ASIC2: variants seen among roughly 807,000 people sequenced by gnomAD.
The protein encoded by ASIC2 is acid sensing ion channel subunit 2.
ASIC2 carries 25 observed loss-of-function variants against 57.3 expected under a neutral mutation model. The ratio of observed to expected loss-of-function variants is 0.44; its 90% CI spans 0.32 to 0.61. ASIC2 has a LOEUF of 0.61. ASIC2 is among the 20% of genes least tolerant of loss of function. The pLI is 0.06. For synonymous variants in ASIC2, 319 were observed against 307.5 expected (o/e 1.04, Z -0.39); for missense variants, 641 against 738.1 (o/e 0.87, Z 1.52).
rs187585938 is a variant in ASIC2 at position 33,600,136 on chromosome 17, A to G, written c.556-488069T>C. On this transcript the variant is annotated intron_variant, in intron 1 of 9. Coordinates refer to the ASIC2 transcript ENST00000359872. Reference sequence around the variant, plus strand: ...CAGGAATCCTTTTCATGGGTAAGTCAGTTCCTGCCTCTCTTCAGAGGGAAA... The same window carrying G: ...CAGGAATCCTTTTCATGGGTAAGTCGGTTCCTGCCTCTCTTCAGAGGGAAA... Among the ~76,000 whole-genome samples the G allele has an allele frequency of 5.5e-3, 838 of 152,282 alleles. 8 individuals are homozygous for G. Among genetic ancestry groups the G allele is most frequent in the African/African-American group, 0.019 (791 of 41,550 alleles).
At chr17:33,403,842 G>A (rs1910371348) in intron 1 of ASIC2, among the ~76,000 whole-genome samples, 1 of 152,314 alleles carries the variant, frequency 6.6e-6, no homozygotes, top group Non-Finnish European at 1.5e-5. Flanking sequence ...AAGCTCCAGA[G>A]AGAGGAAATG....
At position 34,156,315 on chromosome 17, in the gene ASIC2, A is replaced by G; in HGVS notation, c.218T>C (p.Val73Ala). The stretch of plus-strand genomic sequence containing the variant: ...AGCCACCACTTCGTCCACCTTAGTG[A>G]CATGCTGGTAGGAGAAGTAGTAGGA... The change falls in exon 1 of 10, where the codon GTC (valine) becomes GCC (alanine). Residue 73 changes from valine to alanine, a missense_variant. Coordinates refer to the ASIC2 transcript ENST00000359872. This position sits in a 1 kb window ranked among gnomAD's most constrained non-coding sequence, Gnocchi z 4.4. The G allele has an allele frequency of 1.9e-6, 3 of 1,614,222 alleles. No individual in the cohort carries two copies. The highest frequency in any genetic ancestry group is 2.5e-6 in the Non-Finnish European group (3 of 1,180,044).
Position 33,263,867 on chromosome 17 carries a change from C to G in ASIC2, c.708+27541G>C, listed in dbSNP as rs749590661. Reference sequence around the variant, plus strand: ...CTTCTGCGCGGGACAGAGGGTGGAGCCTCGTGAGTCTCACATGATACCGGC... The same window carrying G: ...CTTCTGCGCGGGACAGAGGGTGGAGGCTCGTGAGTCTCACATGATACCGGC... On this transcript the variant is annotated intron_variant, in intron 1 of 9. Transcript: ENST00000225823. 2.6e-5 allele frequency among the ~76,000 whole-genome samples: 4 copies of G among 152,328 alleles called. No homozygotes were observed. In the South Asian group the frequency reaches 8.3e-4, roughly 32 times the overall value.
At chr17:33,596,996 T>C (rs1357522710) in intron 1 of ASIC2, among the ~76,000 whole-genome samples, 4 of 152,228 alleles carry the variant, frequency 2.6e-5, no homozygotes, top group African/African-American at 9.6e-5. Flanking sequence ...CAGCTGGTGC[T>C]CTACAAACAT....
intron 1 of ASIC2, among the ~76,000 whole-genome samples, chr17:33,270,849 C>T (rs368060316): frequency 6.6e-6 from 1 of 152,342 alleles, no homozygotes; most frequent in East Asian, 1.9e-4. Context: ...TTATTGAGCA[C>T]CTACTCTATG....
chr17:33,110,072 T>TACATGTGC (rs1491044592), intron 2 of ASIC2, among the ~76,000 whole-genome samples: 1 of 151,052 alleles, frequency 6.6e-6, no homozygotes, highest in Admixed American at 6.6e-5. Context: ...TGTGTGTGTG[T>TACATGTGC]ACATGTGCTT....
At chr17:34,049,389 A>C (rs2142052052) in intron 1 of ASIC2, among the ~76,000 whole-genome samples, 1 of 152,288 alleles carries the variant, frequency 6.6e-6, no homozygotes, top group Admixed American at 6.5e-5. Flanking sequence ...GAGTTGAACT[A>C]AGGTCCAAAT....
intron 1 of ASIC2, among the ~76,000 whole-genome samples, chr17:33,121,649 C>T (rs1391606687): frequency 6.6e-6 from 1 of 152,142 alleles, no homozygotes; most frequent in Non-Finnish European, 1.5e-5. Context: ...AGCTGTCTTC[C>T]ACACTGGAAC....
At chr17:33,718,772 G>A (rs1010345090) in intron 1 of ASIC2, among the ~76,000 whole-genome samples, 2 of 152,152 alleles carry the variant, frequency 1.3e-5, no homozygotes, top group Admixed American at 1.3e-4. Context: ...AGGCAAATGC[G>A]ACACTCAGGG....
chr17:33,797,929 T>C (rs1451091836), intron 1 of ASIC2, among the ~76,000 whole-genome samples: 4 of 152,038 alleles, frequency 2.6e-5, no homozygotes, highest in African/African-American at 9.7e-5. Context: ...CCCCCACACA[T>C]AGGCTGGCTC....
At chr17:33,737,901 T>C (rs1005385558) in intron 1 of ASIC2, among the ~76,000 whole-genome samples, 4 of 152,170 alleles carry the variant, frequency 2.6e-5, no homozygotes, top group Non-Finnish European at 4.4e-5. Context: ...TGACCCCAAC[T>C]CTTCTACTCA....
At chr17:33,690,182 A>T (rs539868063) in intron 1 of ASIC2, among the ~76,000 whole-genome samples, 2 of 152,236 alleles carry the variant, frequency 1.3e-5, no homozygotes, top group Admixed American at 6.5e-5. Flanking sequence ...TCATATCAAT[A>T]TAGCTTCATT....
intron 1 of ASIC2, among the ~76,000 whole-genome samples, chr17:34,056,566 A>G (rs1371823540): frequency 6.6e-6 from 1 of 152,202 alleles, no homozygotes; most frequent in Non-Finnish European, 1.5e-5. Context: ...GATATTTTCT[A>G]TGCCTGAGAA....
intron 1 of ASIC2, among the ~76,000 whole-genome samples, chr17:33,356,433 G>A (rs1793496304): frequency 6.6e-6 from 1 of 152,166 alleles, no homozygotes; most frequent in Non-Finnish European, 1.5e-5. Flanking sequence ...GGCTATGCAA[G>A]AGGAAAGGCA....
intron 1 of ASIC2, among the ~76,000 whole-genome samples, chr17:33,717,675 G>C (rs539627676): frequency 6.6e-6 from 1 of 152,222 alleles, no homozygotes; most frequent in Non-Finnish European, 1.5e-5. Context: ...CCTGCTAAGA[G>C]AGAAGAGCCA....
chr17:34,108,758 T>C (rs1911157925), intron 1 of ASIC2, among the ~76,000 whole-genome samples: 2 of 152,140 alleles, frequency 1.3e-5, no homozygotes, highest in Non-Finnish European at 2.9e-5. Flanking sequence ...ATATGTCTAT[T>C]TTGATTTTAG....
At chr17:33,462,152 C>T (rs1285216967) in intron 1 of ASIC2, among the ~76,000 whole-genome samples, 1 of 152,166 alleles carries the variant, frequency 6.6e-6, no homozygotes, top group Non-Finnish European at 1.5e-5. Context: ...GCCTTCCTAG[C>T]AAAGGTGACA....
At chr17:33,131,441 C>T (rs1199430475) in intron 1 of ASIC2, 2 of 152,732 alleles carry the variant, frequency 1.3e-5, no homozygotes, top group Admixed American at 6.5e-5. Context: ...CACAGCTACC[C>T]CCACGACCCC....
At chr17:33,260,560 G>A (rs1275757811) in intron 1 of ASIC2, among the ~76,000 whole-genome samples, 1 of 152,224 alleles carries the variant, frequency 6.6e-6, no homozygotes. Context: ...TGCCGCCAGG[G>A]GGGCGGGGAA....
Sources: allele counts gnomAD v4.1 joint callset (sites outside exome capture counted in the v4.1 genomes callset), GRCh38; gene constraint gnomAD v4.1.1; non-coding constraint Gnocchi (gnomAD v3.1); transcripts MANE v1.5; gene names NCBI Gene and HGNC (gene_info 2026-07-23, HGNC 2026-07-21).